Variants in CLASP2 observed in about 807,000 individuals in gnomAD.
The protein encoded by CLASP2 is CLIP-associating protein 2.
A neutral mutation model predicts 194.4 loss-of-function variants in CLASP2; 47 were observed. That is an observed-to-expected ratio of 0.24 (90% CI 0.19 to 0.31). CLASP2 has a LOEUF of 0.31. CLASP2 is among the 10% of genes least tolerant of loss of function. The pLI is 1.00. For synonymous variants in CLASP2, 619 were observed against 633.5 expected (o/e 0.98, Z 0.34); for missense variants, 1,445 against 1,823.6 (o/e 0.79, Z 3.78).
intron 13 of CLASP2, among the ~76,000 whole-genome samples, chr3:33,609,790 A>G (rs1405764840): frequency 4.6e-5 from 7 of 152,238 alleles, no homozygotes; most frequent in Admixed American, 2.6e-4. Context: ...ATGTCTCTAC[A>G]TAGGCAGTGA....
intron 6 of CLASP2, among the ~76,000 whole-genome samples, chr3:33,669,703 A>G (rs543431085): frequency 1.3e-5 from 2 of 152,308 alleles, no homozygotes; most frequent in African/African-American, 4.8e-5. Flanking sequence ...AATGCATGTT[A>G]CAACTGCAAT....
In CLASP2 at chr3:33,544,850, C is replaced by T; in HGVS notation, c.3154-9G>A. 1 of 1,596,158 alleles carries T rather than the reference C, an allele frequency of 6.3e-7. No homozygotes were observed. The highest frequency in any genetic ancestry group is 8.5e-7 in the Non-Finnish European group (1 of 1,172,282). On this transcript the variant is annotated splice_polypyrimidine_tract_variant and intron_variant, in intron 30 of 38. Coordinates refer to ENST00000682230, the MANE Select transcript of CLASP2 (RefSeq NM_001365631.1). The stretch of plus-strand genomic sequence containing the variant: ...AGCACTGACTGTGCTGCCTAAAAAA[C>T]AAAGGCATACAGTAGATGAATATAT...
chr3:33,500,532 C>T (rs142487783), intron 38 of CLASP2, among the ~76,000 whole-genome samples: 72 of 152,180 alleles, frequency 4.7e-4, no homozygotes, highest in East Asian at 1.7e-3. Context: ...CCCTCTGAAA[C>T]GACATGTAAT....
At chr3:33,708,539 T>C (rs1280968026) in intron 1 of CLASP2, among the ~76,000 whole-genome samples, 2 of 6,420 alleles carry the variant, frequency 3.1e-4, no homozygotes, top group South Asian at 5.2e-3. Flanking sequence ...TATATATGTA[T>C]ATATGTATAT....
chr3:33,509,633 C>T (rs559653796), intron 37 of CLASP2, among the ~76,000 whole-genome samples: 14 of 152,252 alleles, frequency 9.2e-5, no homozygotes, highest in African/African-American at 3.1e-4. Context: ...ACTATAGATG[C>T]ATAATGATTA....
intron 7 of CLASP2, chr3:33,659,247 T>G: frequency 7.9e-7 from 1 of 1,271,996 alleles, no homozygotes; most frequent in Non-Finnish European, 9.9e-7. Flanking sequence ...ACTCTTTAGC[T>G]GCACATATGC....
intron 8 of CLASP2, among the ~76,000 whole-genome samples, chr3:33,643,204 T>G (rs548067888): frequency 6.6e-6 from 1 of 152,000 alleles, no homozygotes; most frequent in Admixed American, 6.5e-5. Flanking sequence ...GAAAAAAAAT[T>G]ATAAGCCACT....
At chr3:33,628,462 A>T (rs2078447768) in intron 9 of CLASP2, among the ~76,000 whole-genome samples, 1 of 152,146 alleles carries the variant, frequency 6.6e-6, no homozygotes, top group African/African-American at 2.4e-5. Context: ...TTCTTCAAAC[A>T]TTCTTTTAGC....
intron 8 of CLASP2, among the ~76,000 whole-genome samples, chr3:33,633,630 CAAGGATGGACTCACAAAG>C (rs1313124911): frequency 1.3e-5 from 2 of 151,756 alleles, no homozygotes; most frequent in African/African-American, 2.4e-5. Context: ...TTAAAGAAAT[CAAGGATGGACTCACAAAG>C]AAGGATGGAC....
chr3:33,621,747 T>A (rs1259899928), intron 11 of CLASP2, among the ~76,000 whole-genome samples: 1 of 152,164 alleles, frequency 6.6e-6, no homozygotes, highest in Non-Finnish European at 1.5e-5. Flanking sequence ...TTTTGCTAAG[T>A]TAATGATGCA....
intron 6 of CLASP2, among the ~76,000 whole-genome samples, chr3:33,681,517 T>C (rs1367920505): frequency 6.6e-6 from 1 of 152,114 alleles, no homozygotes; most frequent in Non-Finnish European, 1.5e-5. Flanking sequence ...AATTACAGGA[T>C]ATGAAGAGAA....
At chr3:33,541,438 T>A (rs1392562950) in intron 32 of CLASP2, among the ~76,000 whole-genome samples, 1 of 152,274 alleles carries the variant, frequency 6.6e-6, no homozygotes, top group South Asian at 2.1e-4. Context: ...ACCCAGGTAT[T>A]AAGCCTAGTG....
At chr3:33,694,494 A>G (rs1475429892) in intron 2 of CLASP2, among the ~76,000 whole-genome samples, 1 of 152,194 alleles carries the variant, frequency 6.6e-6, no homozygotes, top group East Asian at 1.9e-4. Flanking sequence ...CACAAACACA[A>G]ATGTTTATGG....
At chr3:33,548,481 TAG>T (rs918702955) in intron 30 of CLASP2, among the ~76,000 whole-genome samples, 71 of 152,114 alleles carry the variant, frequency 4.7e-4, no homozygotes, top group Middle Eastern at 3.4e-3. Context: ...ATATTTTTAG[TAG>T]AGACAGGGTT....
chr3:33,635,718 G>C (rs1463550887), intron 8 of CLASP2, among the ~76,000 whole-genome samples: 1 of 152,132 alleles, frequency 6.6e-6, no homozygotes, highest in Non-Finnish European at 1.5e-5. Context: ...GGATTATTCA[G>C]TTTTTTAAAA....
At chr3:33,571,014 A>ACTTTTTTTTTTTTTTTTTT (rs1276472825) in intron 25 of CLASP2, among the ~76,000 whole-genome samples, 1 of 127,744 alleles carries the variant, frequency 7.8e-6, no homozygotes, top group South Asian at 2.5e-4. Context: ...TGTCTCTATA[A>ACTTTTTTTTTTTTTTTTTT]ATTTTTTTTT....
intron 1 of CLASP2, among the ~76,000 whole-genome samples, chr3:33,698,122 G>T (rs768634845): frequency 2.0e-5 from 3 of 152,132 alleles, no homozygotes; most frequent in Non-Finnish European, 4.4e-5. Context: ...GAAGGAAACC[G>T]CTGCCTGTGC....
chr3:33,704,711 C>T (rs1167742616), intron 1 of CLASP2, among the ~76,000 whole-genome samples: 4 of 151,992 alleles, frequency 2.6e-5, no homozygotes. Context: ...CGAGATTGCA[C>T]CACTGCACTC....
chr3:33,614,613 C>T (rs1375302608), intron 12 of CLASP2, among the ~76,000 whole-genome samples: 4 of 152,080 alleles, frequency 2.6e-5, no homozygotes, highest in African/African-American at 9.7e-5. Context: ...GGTTGTTTTG[C>T]TATAAAATAA....
Sources: gnomAD v4.1 joint callset for allele counts (sites outside exome capture counted in the v4.1 genomes callset) on GRCh38, gnomAD v4.1.1 for gene constraint, MANE v1.5 for transcripts, NCBI Gene and HGNC (gene_info 2026-07-23, HGNC 2026-07-21) for gene names.